The following C2orf76 variants were observed in gnomAD, a reference collection of about 807,000 sequenced individuals.
C2orf76 encodes the protein UPF0538 protein C2orf76.
C2orf76 carries 23 observed loss-of-function variants against 16.9 expected under a neutral mutation model. The ratio of observed to expected loss-of-function variants is 1.36; its 90% confidence interval spans 0.98 to 1.93. C2orf76 has a LOEUF of 1.93. Ranked by LOEUF, C2orf76 falls within the 30% of genes most tolerant of loss-of-function variation. The pLI is 0.00. For synonymous variants in C2orf76, 48 were observed against 52.3 expected, an observed-to-expected ratio of 0.92 and a Z score of 0.35; for missense variants, 152 against 152.6, an observed-to-expected ratio of 1.00 and a Z score of 0.02.
the C2orf76 span, among the ~76,000 whole-genome samples, chr2:119,283,970 C>T: frequency 1.3e-5 from 2 of 152,190 alleles, no homozygotes; most frequent in Non-Finnish European, 2.9e-5. Flanking sequence ...AACAGCCCCA[C>T]ACATCCGGGA....
intron 4 of C2orf76, among the ~76,000 whole-genome samples, chr2:119,312,993 G>A (rs1026180291): frequency 6.7e-5 from 10 of 148,830 alleles, no homozygotes; most frequent in East Asian, 4.0e-4. Context: ...GCACTACTGC[G>A]CTCCAGCCTG....
At chr2:119,314,013 G>GTTTT (rs1679081403) in intron 4 of C2orf76, among the ~76,000 whole-genome samples, 9 of 53,786 alleles carry the variant, frequency 1.7e-4, no homozygotes, top group African/African-American at 6.2e-4. Context: ...TTTTCTCAGT[G>GTTTT]GTTTTTTTTT....
the C2orf76 span, among the ~76,000 whole-genome samples, chr2:119,283,660 A>G: frequency 6.6e-6 from 1 of 151,880 alleles, no homozygotes. Context: ...TTTTTAGTAG[A>G]GATGGGGTTT....
chr2:119,307,693 A>C (rs772027121), intron 5 of C2orf76, among the ~76,000 whole-genome samples: 1 of 152,112 alleles, frequency 6.6e-6, no homozygotes, highest in Non-Finnish European at 1.5e-5. Flanking sequence ...TGGAGTCCTC[A>C]CAACACCCTG....
At chr2:119,313,389 A>T (rs1679059954) in intron 4 of C2orf76, among the ~76,000 whole-genome samples, 1 of 152,086 alleles carries the variant, frequency 6.6e-6, no homozygotes, top group South Asian at 2.1e-4. Context: ...GGAGTTTGAG[A>T]CCAGCCTGAG....
intron 4 of C2orf76, among the ~76,000 whole-genome samples, chr2:119,314,109 T>C (rs1258954362): frequency 6.7e-6 from 1 of 148,922 alleles, no homozygotes; most frequent in Non-Finnish European, 1.5e-5. Context: ...ATCAATCTCA[T>C]ATCGTTTCTC....
At chr2:119,332,996 G>T (rs541451477) in intron 2 of C2orf76, among the ~76,000 whole-genome samples, 1 of 152,334 alleles carries the variant, frequency 6.6e-6, no homozygotes, top group South Asian at 2.1e-4. Flanking sequence ...GCCTCCCAAA[G>T]TGCTGGGATT....
At chr2:119,324,912 C>A (rs1437058830) in intron 2 of C2orf76, among the ~76,000 whole-genome samples, 2 of 152,206 alleles carry the variant, frequency 1.3e-5, no homozygotes, top group African/African-American at 2.4e-5. Flanking sequence ...CATTTTTAAT[C>A]TTGCGCTATT....
chr2:119,328,410 G>T (rs1310716310), intron 2 of C2orf76, among the ~76,000 whole-genome samples: 1 of 151,878 alleles, frequency 6.6e-6, no homozygotes, highest in Admixed American at 6.6e-5. Context: ...AAATTGTTAA[G>T]AATATTCCTT....
intron 1 of C2orf76, among the ~76,000 whole-genome samples, chr2:119,364,739 C>T (rs1680869137): frequency 6.6e-6 from 1 of 151,930 alleles, no homozygotes; most frequent in African/African-American, 2.4e-5. Context: ...CTAACAAGGA[C>T]ATAAACAGAG....
chr2:119,301,538 C>G (rs1041735485), downstream of C2orf76, among the ~76,000 whole-genome samples: 4 of 151,442 alleles, frequency 2.6e-5, no homozygotes, highest in African/African-American at 7.3e-5. Flanking sequence ...AGCTCTCCGG[C>G]ACTCAGGGAG....
upstream of C2orf76, chr2:119,367,031 A>G: frequency 6.2e-7 from 1 of 1,613,984 alleles, no homozygotes; most frequent in Non-Finnish European, 8.5e-7. Context: ...GTCTCCCTGG[A>G]GTTCTTGCAA....
chr2:119,309,632 C>T (rs1315750880), intron 5 of C2orf76, among the ~76,000 whole-genome samples: 2 of 151,950 alleles, frequency 1.3e-5, no homozygotes, highest in Non-Finnish European at 2.9e-5. Context: ...ATTGGCCAAG[C>T]TGGTCTCGAA....
At chr2:119,293,422 T>C in the C2orf76 span, among the ~76,000 whole-genome samples, 4 of 152,092 alleles carry the variant, frequency 2.6e-5, no homozygotes, top group Admixed American at 2.0e-4. Flanking sequence ...GGGGCGTGCA[T>C]ATGTTTGGTG....
At chr2:119,331,927 G>A (rs1679689017) in intron 2 of C2orf76, among the ~76,000 whole-genome samples, 1 of 151,950 alleles carries the variant, frequency 6.6e-6, no homozygotes, top group Non-Finnish European at 1.5e-5. Flanking sequence ...ACTTCAGAAT[G>A]TTGCAAAAAC....
chr2:119,282,019 G>A, the C2orf76 span, among the ~76,000 whole-genome samples: 41 of 152,080 alleles, frequency 2.7e-4, no homozygotes, highest in Non-Finnish European at 4.6e-4. Context: ...GGTGGTGGAC[G>A]CCTGCAATCC....
intron 2 of C2orf76, 31 bp downstream of exon 2, chr2:119,339,796 A>G (rs1679966360): frequency 6.4e-7 from 1 of 1,569,506 alleles, no homozygotes; most frequent in African/African-American, 1.3e-5. Flanking sequence ...AAAAACTACT[A>G]GTAAAACAAA....
intron 1 of C2orf76, among the ~76,000 whole-genome samples, chr2:119,348,862 T>C (rs1450432427): frequency 6.6e-6 from 1 of 152,072 alleles, no homozygotes; most frequent in Non-Finnish European, 1.5e-5. Flanking sequence ...CCCGGCATGG[T>C]GGCGTAAGCC....
At chr2:119,355,559 G>A (rs1277298889) in intron 1 of C2orf76, among the ~76,000 whole-genome samples, 2 of 152,158 alleles carry the variant, frequency 1.3e-5, no homozygotes, top group African/African-American at 2.4e-5. Flanking sequence ...GATTGCCCCT[G>A]TGGGACCTAT....
Sources: gnomAD v4.1 joint callset for allele counts (sites outside exome capture counted in the v4.1 genomes callset) on GRCh38, gnomAD v4.1.1 for gene constraint, MANE v1.5 for transcripts, NCBI Gene and HGNC (gene_info 2026-07-23, HGNC 2026-07-21) for gene names.